JAK2: variants seen among roughly 807,000 people sequenced by gnomAD.
JAK2 encodes tyrosine-protein kinase JAK2.
In JAK2, 86 loss-of-function variants were observed where a neutral mutation model predicts 139.3. The observed-to-expected ratio is 0.62, with a 90% confidence interval of 0.52 to 0.74. The LOEUF is 0.74. JAK2 is among the 30% of genes least tolerant of loss of function. The probability of loss-of-function intolerance (pLI) is 0.00; values close to 1 mark genes in which losing one functional copy is unlikely to be tolerated. For missense variants in JAK2, 1,421 were observed against 1,360.3 expected (o/e 1.04, Z -0.70); for synonymous variants, 490 against 437.7 (o/e 1.12, Z -1.49).
intron 22 of JAK2, chr9:5,111,457 G>A (rs1475660403): frequency 1.8e-5 from 7 of 387,308 alleles, no homozygotes; most frequent in African/African-American, 6.3e-5. Flanking sequence ...TTCCATCCTC[G>A]GCGTACCTGC....
chr9:5,002,906 TGTACC>T (rs992493729), intron 2 of JAK2, among the ~76,000 whole-genome samples: 4 of 151,956 alleles, frequency 2.6e-5, no homozygotes, highest in African/African-American at 9.7e-5. Flanking sequence ...TTAATATTTG[TGTACC>T]GTATGAAGTA....
intron 2 of JAK2, among the ~76,000 whole-genome samples, chr9:4,998,876 G>C (rs949610822): frequency 6.6e-6 from 1 of 152,028 alleles, no homozygotes; most frequent in Admixed American, 6.5e-5. Flanking sequence ...TGTCACCCAG[G>C]CTGTAGTGCA....
chr9:5,070,598 A>G lies in JAK2; in HGVS notation c.1641+546A>G, dbSNP rs933557432. Among the ~76,000 whole-genome samples, 21 of 152,204 alleles carry G rather than the reference A, an allele frequency of 1.4e-4. No individual in the cohort carries two copies. In the East Asian group the frequency reaches 4.0e-3, roughly 29 times the overall value. ...ATTTTTTAAAATTATTTATTTATTTATTAGAGCAGGACTTGCTGTGTCACC... is the reference window on the plus strand; with the variant it reads ...ATTTTTTAAAATTATTTATTTATTTGTTAGAGCAGGACTTGCTGTGTCACC... On this transcript the variant is annotated intron_variant, in intron 12 of 24. Coordinates refer to ENST00000381652, the MANE Select transcript of JAK2 (RefSeq NM_004972.4).
In JAK2 at chr9:5,085,929, C is replaced by T; in HGVS notation, c.2572-3745C>T. 4.6e-6 allele frequency: 5 copies of T among 1,090,546 alleles called. No homozygotes were observed. In the East Asian group the frequency reaches 1.2e-4, roughly 26 times the overall value. 67.6% of individuals were successfully genotyped at this position (1,090,546 alleles called of 1,614,324 possible). A position where few individuals can be genotyped will look rare whatever the true frequency, so the allele number is the denominator to read the frequency against. On this transcript the variant is annotated intron_variant, in intron 19 of 24. Coordinates refer to ENST00000381652, the MANE Select transcript of JAK2 (RefSeq NM_004972.4). ...ACCCTCATACAGACCTTTCAAGTCT[C>T]TCCAACCGAGTTTGAAAGGATCGGT...
chr9:5,078,006 T>C (rs562706237), intron 15 of JAK2, among the ~76,000 whole-genome samples: 1 of 152,182 alleles, frequency 6.6e-6, no homozygotes, highest in Admixed American at 6.5e-5. Flanking sequence ...ACTGAAGTAG[T>C]ATTTCTTAAT....
intron 22 of JAK2, among the ~76,000 whole-genome samples, chr9:5,119,015 T>G (rs1326963532): frequency 6.6e-6 from 1 of 152,182 alleles, no homozygotes; most frequent in Non-Finnish European, 1.5e-5. Context: ...ACTAATACAT[T>G]CAGAAAAGTT....
intron 22 of JAK2, chr9:5,108,864 A>C (rs1822200061): frequency 1.3e-5 from 2 of 152,178 alleles, no homozygotes; most frequent in South Asian, 4.1e-4. Flanking sequence ...CGTCACCCTT[A>C]TAATTACCCA....
At chr9:5,088,160 C>G (rs556668004) in intron 19 of JAK2, among the ~76,000 whole-genome samples, 1 of 151,868 alleles carries the variant, frequency 6.6e-6, no homozygotes, top group South Asian at 2.1e-4. Flanking sequence ...CTGAATTGTC[C>G]GCGGTCACAG....
intron 4 of JAK2, among the ~76,000 whole-genome samples, chr9:5,034,032 A>C (rs1370674557): frequency 6.6e-6 from 1 of 152,212 alleles, no homozygotes; most frequent in Non-Finnish European, 1.5e-5. Context: ...CTCAAAATAA[A>C]GGGATGGAGG....
chr9:5,062,276 G>A (rs1353294386), intron 8 of JAK2, among the ~76,000 whole-genome samples: 2 of 151,820 alleles, frequency 1.3e-5, no homozygotes, highest in East Asian at 1.9e-4. Flanking sequence ...TATATGCAGG[G>A]GTCCTGTAAC....
chr9:5,073,691 T>TC lies in JAK2; in HGVS notation c.1777-5dup, dbSNP rs766834893. ...CAACAATTCTTTGTACTTTTTTTTT[T>TC]CCTTAGTCTTTCTTTGAAGCAGCAA... is the stretch of plus-strand genomic sequence containing the variant. On this transcript the variant is annotated splice_region_variant and splice_polypyrimidine_tract_variant and intron_variant, in intron 13 of 24. Transcript: ENST00000381652. The TC allele has an allele frequency of 1.2e-6, 2 of 1,600,928 alleles. No individual in the cohort carries two copies. Among genetic ancestry groups the TC allele is most frequent in the South Asian group, 2.2e-5 (2 of 89,768 alleles).
chr9:4,989,842 G>A (rs571756642), intron 2 of JAK2, among the ~76,000 whole-genome samples: 8 of 152,284 alleles, frequency 5.3e-5, no homozygotes, highest in African/African-American at 1.9e-4. Flanking sequence ...GTAAGAAATT[G>A]TGTTAAAAAT....
intron 8 of JAK2, 138 bp from the exon 9 acceptor site, chr9:5,064,745 A>G (rs1818446969): frequency 2.0e-6 from 1 of 511,592 alleles, no homozygotes; most frequent in Non-Finnish European, 3.3e-6. Context: ...TTTGTAATTC[A>G]TATTGAGTAC....
chr9:5,002,236 T>C (rs1467216190), intron 2 of JAK2, among the ~76,000 whole-genome samples: 1 of 151,946 alleles, frequency 6.6e-6, no homozygotes, highest in East Asian at 1.9e-4. Context: ...GAAGCTTACA[T>C]AATTAATTTC....
chr9:5,101,883 A>C (rs1821520373), intron 22 of JAK2, among the ~76,000 whole-genome samples: 1 of 152,210 alleles, frequency 6.6e-6, no homozygotes, highest in Admixed American at 6.5e-5. Flanking sequence ...TCCACACCAA[A>C]ACCCCATCTG....
chr9:5,042,381 C>T lies in JAK2; in HGVS notation c.351-2022C>T, dbSNP rs542124988. On this transcript the variant is annotated intron_variant, in intron 4 of 24. Coordinates refer to ENST00000381652, the MANE Select transcript of JAK2 (RefSeq NM_004972.4). Reference sequence around the variant, plus strand: ...CTCGATCTCCTGACCTCATGATCCACCCGCCTCGGCCTCCCAAAGTGCTGG... The same window carrying T: ...CTCGATCTCCTGACCTCATGATCCATCCGCCTCGGCCTCCCAAAGTGCTGG... Among the ~76,000 whole-genome samples the T allele has an allele frequency of 6.6e-5, 10 of 152,182 alleles. No individual in the cohort carries two copies. In the East Asian group the frequency reaches 1.9e-3, roughly 29 times the overall value.
chr9:5,102,473 A>T (rs1252766149), intron 22 of JAK2, among the ~76,000 whole-genome samples: 1 of 152,216 alleles, frequency 6.6e-6, no homozygotes, highest in Non-Finnish European at 1.5e-5. Context: ...ACTCTTCAGG[A>T]TATTATCCAG....
intron 2 of JAK2, among the ~76,000 whole-genome samples, chr9:5,010,749 C>G (rs1010983794): frequency 1.3e-5 from 2 of 152,104 alleles, no homozygotes; most frequent in African/African-American, 4.8e-5. Context: ...TCCTTTAATC[C>G]ACATGATTTT....
intron 2 of JAK2, among the ~76,000 whole-genome samples, chr9:4,996,350 A>G (rs144598746): frequency 7.9e-4 from 120 of 152,296 alleles, no homozygotes; most frequent in African/African-American, 2.7e-3. Context: ...TGGGAGGCTG[A>G]GACAGGAGAA....
Sources: allele counts gnomAD v4.1 joint callset (sites outside exome capture counted in the v4.1 genomes callset), GRCh38; gene constraint gnomAD v4.1.1; transcripts MANE v1.5; gene names NCBI Gene and HGNC (gene_info 2026-07-23, HGNC 2026-07-21).